Variants in PIK3R3 observed in about 807,000 individuals in gnomAD.
The protein encoded by PIK3R3 is phosphoinositide-3-kinase regulatory subunit 3.
A neutral mutation model predicts 62.9 loss-of-function variants in PIK3R3; 64 were observed. The observed-to-expected ratio is 1.02, with a 90% CI of 0.83 to 1.25. PIK3R3 has a LOEUF of 1.25. PIK3R3 is among the 50% of genes most tolerant of loss of function. PIK3R3 has a pLI of 0.00. For missense variants in PIK3R3, 614 were observed against 561.6 expected, an observed-to-expected ratio of 1.09 and a Z score of -0.94; for synonymous variants, 165 against 189.0, an observed-to-expected ratio of 0.87 and a Z score of 1.04.
chr1:46,093,660 C>T (rs1327988124), intron 1 of PIK3R3, among the ~76,000 whole-genome samples: 4 of 151,894 alleles, frequency 2.6e-5, no homozygotes, highest in African/African-American at 4.8e-5. Flanking sequence ...GAGGCCTACG[C>T]GGGCAGATCA....
intron 1 of PIK3R3, among the ~76,000 whole-genome samples, chr1:46,101,891 TCAAA>T (rs1347355814): frequency 2.6e-5 from 4 of 151,484 alleles, no homozygotes; most frequent in Admixed American, 1.3e-4. Context: ...ATTGTACACT[TCAAA>T]CAGTTAAAAT....
chr1:46,117,607 C>T (rs1213202455), intron 1 of PIK3R3, among the ~76,000 whole-genome samples: 1 of 151,906 alleles, frequency 6.6e-6, no homozygotes, highest in Non-Finnish European at 1.5e-5. Flanking sequence ...ATTAGCTGGG[C>T]ATGGTGGCAT....
the PIK3R3 span, among the ~76,000 whole-genome samples, chr1:46,154,299 G>A: frequency 2.0e-5 from 3 of 152,318 alleles, no homozygotes; most frequent in Admixed American, 1.3e-4. Context: ...TGAGCATGGT[G>A]GTGCACGCCT....
chr1:46,148,804 G>GA, the PIK3R3 span, among the ~76,000 whole-genome samples: 12 of 146,568 alleles, frequency 8.2e-5, no homozygotes, highest in South Asian at 8.6e-4. Context: ...ATATATAAAT[G>GA]AAAAAAAAAT....
At chr1:46,053,821 G>A (rs1198287263) in intron 7 of PIK3R3, among the ~76,000 whole-genome samples, 1 of 152,068 alleles carries the variant, frequency 6.6e-6, no homozygotes, top group Non-Finnish European at 1.5e-5. Context: ...GCTTTTCAGG[G>A]CAAAGAAGGA....
At chr1:46,071,246 C>T (rs1421881366) in intron 3 of PIK3R3, among the ~76,000 whole-genome samples, 2 of 152,132 alleles carry the variant, frequency 1.3e-5, no homozygotes, top group Non-Finnish European at 2.9e-5. Flanking sequence ...CTTCAGCCTC[C>T]ACCTTTTAAA....
intron 1 of PIK3R3, among the ~76,000 whole-genome samples, chr1:46,085,199 C>T (rs185729784): frequency 1.3e-5 from 2 of 152,262 alleles, no homozygotes; most frequent in Admixed American, 1.3e-4. Flanking sequence ...GCTAAAAGAA[C>T]ACAATCATAA....
chr1:46,053,253 T>G (rs139249882), intron 7 of PIK3R3, among the ~76,000 whole-genome samples: 28 of 152,334 alleles, frequency 1.8e-4, no homozygotes, highest in Non-Finnish European at 3.1e-4. Context: ...TTGTTGTTGT[T>G]GTGGTGTCAC....
At chr1:46,059,293 G>C (rs531188953) in intron 6 of PIK3R3, among the ~76,000 whole-genome samples, 2 of 152,140 alleles carry the variant, frequency 1.3e-5, no homozygotes, top group Non-Finnish European at 2.9e-5. Flanking sequence ...CATGAAAATG[G>C]ACTAATACAA....
intron 1 of PIK3R3, among the ~76,000 whole-genome samples, chr1:46,126,223 G>A (rs889131087): frequency 6.6e-5 from 10 of 151,818 alleles, no homozygotes; most frequent in Admixed American, 3.9e-4. Context: ...ACTCAATGCA[G>A]CAGCAGAGAT....
chr1:46,118,491 TCTTACAATGG>T (rs1329779404), intron 1 of PIK3R3, among the ~76,000 whole-genome samples: 4 of 152,008 alleles, frequency 2.6e-5, no homozygotes, highest in Admixed American at 6.6e-5. Flanking sequence ...AAGCCAAAGT[TCTTACAATGG>T]CTTACAATGG....
chr1:46,130,906 C>T (rs1655522057), intron 1 of PIK3R3, among the ~76,000 whole-genome samples: 1 of 152,052 alleles, frequency 6.6e-6, no homozygotes, highest in African/African-American at 2.4e-5. Flanking sequence ...ATGGGGTAGA[C>T]TTTAAAGGAA....
chr1:46,070,814 G>A (rs1357907535), intron 3 of PIK3R3, among the ~76,000 whole-genome samples: 4 of 152,192 alleles, frequency 2.6e-5, no homozygotes, highest in East Asian at 1.9e-4. Flanking sequence ...AAGCAGAGAT[G>A]AGAGAAGGAA....
At chr1:46,114,254 G>A (rs1653983657) in intron 1 of PIK3R3, among the ~76,000 whole-genome samples, 1 of 152,148 alleles carries the variant, frequency 6.6e-6, no homozygotes, top group Admixed American at 6.5e-5. Context: ...CCAAATGAAG[G>A]AGGAGTGGTT....
intron 1 of PIK3R3, among the ~76,000 whole-genome samples, chr1:46,081,718 C>G (rs1174932818): frequency 1.3e-5 from 2 of 152,118 alleles, no homozygotes; most frequent in Non-Finnish European, 1.5e-5. Context: ...ACCTTGCTTT[C>G]TAATACCATT....
chr1:46,096,637 G>A (rs898538591), intron 1 of PIK3R3, among the ~76,000 whole-genome samples: 12 of 152,064 alleles, frequency 7.9e-5, no homozygotes, highest in Admixed American at 1.3e-4. Flanking sequence ...AGTGGCTTAC[G>A]TCTGTAATCC....
At chr1:46,124,272 A>G (rs1654903540) in intron 1 of PIK3R3, among the ~76,000 whole-genome samples, 1 of 152,184 alleles carries the variant, frequency 6.6e-6, no homozygotes, top group Admixed American at 6.5e-5. Context: ...AAACAGATGC[A>G]CAGAGAGGTT....
At chr1:46,064,276 C>T (rs1648791527) in intron 5 of PIK3R3, among the ~76,000 whole-genome samples, 2 of 151,300 alleles carry the variant, frequency 1.3e-5, no homozygotes, top group African/African-American at 4.9e-5. Context: ...CACGGTGGCT[C>T]ACGCCTGTAA....
At chr1:46,148,305 G>A in the PIK3R3 span, among the ~76,000 whole-genome samples, 1 of 152,180 alleles carries the variant, frequency 6.6e-6, no homozygotes, top group South Asian at 2.1e-4. Context: ...CTCACTTCAG[G>A]AACAGCTGAG....
Sources: allele counts gnomAD v4.1 joint callset (sites outside exome capture counted in the v4.1 genomes callset), GRCh38; gene constraint gnomAD v4.1.1; transcripts MANE v1.5; gene names NCBI Gene and HGNC (gene_info 2026-07-23, HGNC 2026-07-21).